The following GMDS variants were observed in gnomAD, a reference collection of about 807,000 sequenced individuals.
The protein encoded by GMDS is GDP-mannose 4,6-dehydratase.
In GMDS, 20 loss-of-function variants were observed where a neutral mutation model predicts 49.9. The ratio of observed to expected loss-of-function variants is 0.40; its 90% CI spans 0.28 to 0.58. The LOEUF (loss-of-function observed/expected upper bound fraction) is 0.58. Ranked by LOEUF, GMDS falls within the 20% of genes least tolerant of loss-of-function variation. The pLI is 0.42. For synonymous variants in GMDS, 177 were observed against 178.6 expected, an observed-to-expected ratio of 0.99 and a Z score of 0.07; for missense variants, 362 against 481.4, an observed-to-expected ratio of 0.75 and a Z score of 2.32.
intron 7 of GMDS, among the ~76,000 whole-genome samples, chr6:1,905,033 C>T (rs1286496233): frequency 6.6e-6 from 1 of 152,222 alleles, no homozygotes; most frequent in African/African-American, 2.4e-5. Flanking sequence ...ATGGCCCAAG[C>T]AAGTAAGAAC....
chr6:2,092,958 G>A (rs932946526), intron 4 of GMDS, among the ~76,000 whole-genome samples: 1 of 152,178 alleles, frequency 6.6e-6, no homozygotes, highest in Non-Finnish European at 1.5e-5. Context: ...AGGAGTATGT[G>A]TATTCAGCCA....
At chr6:1,929,546 T>C (rs1321666834) in intron 7 of GMDS, among the ~76,000 whole-genome samples, 2 of 152,222 alleles carry the variant, frequency 1.3e-5, no homozygotes, top group African/African-American at 2.4e-5. Context: ...TATTTCACAA[T>C]AGAATCATTA....
chr6:2,181,426 T>C (rs1778524990), intron 1 of GMDS, among the ~76,000 whole-genome samples: 1 of 152,086 alleles, frequency 6.6e-6, no homozygotes, highest in Admixed American at 6.6e-5. Context: ...TCCTACCAAT[T>C]CTATTTCAAA....
rs535998190 is a variant in GMDS, at chr6:1,748,403, G to T, written c.772-5817C>A. Reference sequence around the variant, plus strand: ...TATCACCTCCGAGCTAATCATTTTTGGGTTTTGTTTCATATTAATTTATAT... The same window carrying T: ...TATCACCTCCGAGCTAATCATTTTTTGGTTTTGTTTCATATTAATTTATAT... On this transcript the variant is annotated intron_variant, in intron 7 of 10. Transcript: ENST00000380815. Among the ~76,000 whole-genome samples the T allele has an allele frequency of 1.9e-3, 291 of 151,756 alleles. 1 individual carries two copies. Among genetic ancestry groups the T allele is most frequent in the African/African-American group, 6.6e-3 (273 of 41,334 alleles).
intron 6 of GMDS, among the ~76,000 whole-genome samples, chr6:1,954,934 G>A (rs1351964722): frequency 6.6e-6 from 1 of 151,966 alleles, no homozygotes; most frequent in Non-Finnish European, 1.5e-5. Context: ...GTCTTTTATG[G>A]GTGCAGTTCA....
At position 1,983,616 on chromosome 6, in the gene GMDS, A is replaced by G. The variant is rs193040112; in HGVS notation, c.346-22650T>C. 5.9e-5 allele frequency among the ~76,000 whole-genome samples: 9 copies of G among 152,342 alleles called. No individual in the cohort carries two copies. The East Asian group carries it at 1.7e-3, about 29-fold the overall frequency. On this transcript the variant is annotated intron_variant, in intron 4 of 10. Coordinates refer to ENST00000380815, the MANE Select transcript of GMDS (RefSeq NM_001500.4). ...ACACATGTGGCCAACAAGCATTTGAAAAAAAAGCTCAACATCACTGATCAT... is the reference window on the plus strand; with the variant it reads ...ACACATGTGGCCAACAAGCATTTGAGAAAAAAGCTCAACATCACTGATCAT...
intron 1 of GMDS, among the ~76,000 whole-genome samples, chr6:2,209,331 C>T (rs1779954297): frequency 6.6e-6 from 1 of 152,184 alleles, no homozygotes; most frequent in South Asian, 2.1e-4. Flanking sequence ...GTCTGGGCCA[C>T]TGAACACAAT....
intron 1 of GMDS, among the ~76,000 whole-genome samples, chr6:2,146,542 A>ACT (rs2127533472): frequency 6.6e-6 from 1 of 152,162 alleles, no homozygotes; most frequent in Non-Finnish European, 1.5e-5. Flanking sequence ...ATCTCTAATG[A>ACT]CTCTTGTAGC....
At chr6:1,875,341 C>T (rs887601998) in intron 7 of GMDS, among the ~76,000 whole-genome samples, 22 of 117,788 alleles carry the variant, frequency 1.9e-4, no homozygotes, top group African/African-American at 5.0e-4. Flanking sequence ...CACACACACA[C>T]ACACACACAC....
intron 7 of GMDS, among the ~76,000 whole-genome samples, chr6:1,762,527 C>A (rs895648806): frequency 6.6e-6 from 1 of 152,224 alleles, no homozygotes; most frequent in Non-Finnish European, 1.5e-5. Flanking sequence ...TATGAAATAA[C>A]CACCACAATG....
In GMDS at chr6:2,189,955, G is replaced by C. The variant is rs534926654; in HGVS notation, c.102+55366C>G. ...CTGTTTTAATAATGGAGCGCAGTGA[G>C]ATTATGGGGTAACTCGTGGTATCAA... On this transcript the variant is annotated intron_variant, in intron 1 of 10. Coordinates refer to ENST00000380815, the MANE Select transcript of GMDS (RefSeq NM_001500.4). Among the ~76,000 whole-genome samples the C allele has an allele frequency of 3.9e-5, 6 of 152,264 alleles. No individual in the cohort carries two copies. The South Asian group carries it at 8.3e-4, about 21-fold the overall frequency.
intron 9 of GMDS, among the ~76,000 whole-genome samples, chr6:1,670,535 A>G (rs1215044815): frequency 6.6e-6 from 1 of 152,016 alleles, no homozygotes; most frequent in Non-Finnish European, 1.5e-5. Context: ...GATATGTAAA[A>G]GAAATTGGCT....
chr6:2,146,400 A>G (rs1776561819), intron 1 of GMDS, among the ~76,000 whole-genome samples: 1 of 152,218 alleles, frequency 6.6e-6, no homozygotes, highest in South Asian at 2.1e-4. Context: ...GAAGGAAGAC[A>G]GTCGAGTTAA....
intron 1 of GMDS, among the ~76,000 whole-genome samples, chr6:2,145,850 A>ATTT: frequency 1.3e-5 from 2 of 152,314 alleles, no homozygotes; most frequent in Middle Eastern, 6.8e-3. Context: ...ACATAGCGAC[A>ATTT]TCTATCTCAA....
intron 9 of GMDS, among the ~76,000 whole-genome samples, chr6:1,661,690 A>T (rs1311618366): frequency 1.3e-5 from 2 of 152,234 alleles, no homozygotes; most frequent in African/African-American, 4.8e-5. Flanking sequence ...TTCCTCAACC[A>T]CGTTCCAACC....
chr6:2,028,439 A>C (rs749475492), intron 4 of GMDS, among the ~76,000 whole-genome samples: 2 of 152,212 alleles, frequency 1.3e-5, no homozygotes, highest in Non-Finnish European at 2.9e-5. Flanking sequence ...AAAATGACAC[A>C]TTTCCAAATT....
intron 4 of GMDS, among the ~76,000 whole-genome samples, chr6:2,018,426 T>C (rs1020958841): frequency 4.6e-5 from 7 of 152,192 alleles, no homozygotes; most frequent in African/African-American, 1.7e-4. Context: ...ACCATCAACA[T>C]AGTCAACTTC....
chr6:2,038,269 TG>T (rs1264852484), intron 4 of GMDS, among the ~76,000 whole-genome samples: 6 of 152,226 alleles, frequency 3.9e-5, no homozygotes. Flanking sequence ...GACTGCGAAC[TG>T]GGACAGCTAG....
intron 1 of GMDS, among the ~76,000 whole-genome samples, chr6:2,204,797 T>C (rs770104165): frequency 6.6e-6 from 1 of 152,180 alleles, no homozygotes; most frequent in Non-Finnish European, 1.5e-5. Flanking sequence ...TAATGTCCCT[T>C]TCGCCTACTG....
Sources: allele counts gnomAD v4.1 joint callset (sites outside exome capture counted in the v4.1 genomes callset), GRCh38; gene constraint gnomAD v4.1.1; transcripts MANE v1.5; gene names NCBI Gene and HGNC (gene_info 2026-07-23, HGNC 2026-07-21).